The following LIMS1 variants were observed in gnomAD, a reference collection of about 807,000 sequenced individuals.
LIMS1 encodes the protein LIM and senescent cell antigen-like-containing domain protein 1.
Under a neutral mutation model 44.1 loss-of-function variants are expected in LIMS1, and 18 were observed. That is an observed-to-expected ratio of 0.41 (90% CI 0.28 to 0.61). The LOEUF (loss-of-function observed/expected upper bound fraction) is 0.61. LIMS1 is among the 20% of genes least tolerant of loss of function. The pLI, the probability that LIMS1 is intolerant of heterozygous loss-of-function variation, is 0.32. For synonymous variants in LIMS1, 93 were observed against 149.1 expected, an observed-to-expected ratio of 0.62 and a Z score of 2.74; for missense variants, 201 against 422.0, an observed-to-expected ratio of 0.48 and a Z score of 4.59.
rs377160058 is a variant in LIMS1, at chr2:108,574,062, A to T, written c.32+39468A>T. 2.5e-4 allele frequency among the ~76,000 whole-genome samples: 38 copies of T among 151,808 alleles called. No individual in the cohort carries two copies. In the East Asian group the frequency reaches 7.2e-3, roughly 29 times the overall value. Reference sequence around the variant, plus strand: ...CCTCCCCCCCACCAAAAAAAAGTGGAAATCAGTCTGGGAATGGGAAGGTGG... The same window carrying T: ...CCTCCCCCCCACCAAAAAAAAGTGGTAATCAGTCTGGGAATGGGAAGGTGG... On this transcript the variant is annotated intron_variant, in intron 1 of 9. Coordinates refer to ENST00000544547, the Ensembl canonical transcript of LIMS1.
intron 1 of LIMS1, among the ~76,000 whole-genome samples, chr2:108,574,493 C>T (rs181680561): frequency 9.4e-4 from 143 of 152,232 alleles, no homozygotes; most frequent in African/African-American, 3.4e-3. Context: ...ACCTTTCACT[C>T]GAGGTCATGG....
chr2:108,571,216 A>G (rs1685468290), intron 1 of LIMS1, among the ~76,000 whole-genome samples: 1 of 152,198 alleles, frequency 6.6e-6, no homozygotes, highest in South Asian at 2.1e-4. Flanking sequence ...AGTAGTAATC[A>G]TAAGATATAA....
chr2:108,652,584 G>A (rs1381550372), intron 1 of LIMS1, among the ~76,000 whole-genome samples: 2 of 152,240 alleles, frequency 1.3e-5, no homozygotes, highest in Non-Finnish European at 2.9e-5. Context: ...GAAGTCTGTG[G>A]TGATGGAATA....
chr2:108,568,079 A>T (rs78382830), intron 1 of LIMS1, among the ~76,000 whole-genome samples: 2,578 of 152,242 alleles, frequency 0.017, 37 homozygotes, highest in Non-Finnish European at 0.025. Context: ...TTAATATTAG[A>T]AGTGTTTTGG....
chr2:108,665,632 T>C (rs1033979170), intron 2 of LIMS1, among the ~76,000 whole-genome samples: 7 of 152,150 alleles, frequency 4.6e-5, no homozygotes, highest in African/African-American at 1.4e-4. Context: ...ATTCAAGCGA[T>C]TCTCCTGCCT....
chr2:108,638,620 G>T (rs906893394), intron 1 of LIMS1, among the ~76,000 whole-genome samples: 2 of 152,056 alleles, frequency 1.3e-5, no homozygotes, highest in African/African-American at 4.8e-5. Context: ...GGTAGCACAT[G>T]CCTGTAATTC....
chr2:108,672,196 T>C, intron 3 of LIMS1, 129 bp from the exon 4 acceptor site: 1 of 850,366 alleles, frequency 1.2e-6, no homozygotes, highest in Non-Finnish European at 1.7e-6. Flanking sequence ...AAAGTTCCTC[T>C]ATTGAGAAAG....
intron 1 of LIMS1, among the ~76,000 whole-genome samples, chr2:108,545,102 C>T (rs1229891369): frequency 6.6e-6 from 1 of 152,136 alleles, no homozygotes; most frequent in Admixed American, 6.5e-5. Context: ...GTCTTTTAGT[C>T]TCTTTTAACA....
chr2:108,682,569 AT>A (rs1455336347), intron 9 of LIMS1, among the ~76,000 whole-genome samples: 1 of 152,070 alleles, frequency 6.6e-6, no homozygotes, highest in African/African-American at 2.4e-5. Flanking sequence ...AACAGGAATA[AT>A]TTTTTTCTTT....
intron 1 of LIMS1, among the ~76,000 whole-genome samples, chr2:108,573,291 GTTTTC>G (rs934663636): frequency 6.7e-5 from 10 of 148,488 alleles, no homozygotes; most frequent in Non-Finnish European, 8.9e-5. Context: ...TGCTTCTCCC[GTTTTC>G]TTTTCTTTTC....
At chr2:108,600,468 C>T (rs555842082) in intron 1 of LIMS1, among the ~76,000 whole-genome samples, 4 of 152,276 alleles carry the variant, frequency 2.6e-5, no homozygotes, top group African/African-American at 9.6e-5. Context: ...GAGAGTTTGC[C>T]AGACATTTCC....
rs558038659 is a variant in LIMS1 at position 108,580,455 on chromosome 2, G to A, written c.32+45861G>A. ...CTGTTACCTGAAACAGAGAGTGGAC[G>A]ACATGGGTACCCATGTGGATGACAT... On this transcript the variant is annotated intron_variant, in intron 1 of 9. Coordinates refer to ENST00000544547, the Ensembl canonical transcript of LIMS1. 7.9e-5 allele frequency among the ~76,000 whole-genome samples: 12 copies of A among 152,198 alleles called. No individual in the cohort carries two copies. The South Asian group carries it at 2.1e-3, about 26-fold the overall frequency.
chr2:108,552,613 T>TG (rs57721236), intron 1 of LIMS1, among the ~76,000 whole-genome samples: 6 of 148,676 alleles, frequency 4.0e-5, no homozygotes, highest in East Asian at 3.9e-4. Context: ...TGTGTGTGTG[T>TG]TTTTGGAGAC....
intron 9 of LIMS1, among the ~76,000 whole-genome samples, chr2:108,682,392 C>G (rs1275291483): frequency 2.0e-5 from 3 of 152,016 alleles, no homozygotes; most frequent in Non-Finnish European, 4.4e-5. Flanking sequence ...CCCAGATACT[C>G]GCGAGGCTGA....
At chr2:108,594,221 C>T (rs1686548718) in intron 1 of LIMS1, among the ~76,000 whole-genome samples, 1 of 152,150 alleles carries the variant, frequency 6.6e-6, no homozygotes, top group Non-Finnish European at 1.5e-5. Context: ...TCACCACAGA[C>T]CCCTGCCCTC....
At chr2:108,617,072 G>A (rs1687969713) in intron 1 of LIMS1, among the ~76,000 whole-genome samples, 2 of 152,164 alleles carry the variant, frequency 1.3e-5, no homozygotes, top group African/African-American at 4.8e-5. Flanking sequence ...GAAATGTACA[G>A]CTGCTCAACC....
intron 1 of LIMS1, among the ~76,000 whole-genome samples, chr2:108,638,007 C>A (rs563066618): frequency 6.6e-6 from 1 of 151,980 alleles, no homozygotes; most frequent in African/African-American, 2.4e-5. Context: ...TGCATGCCAC[C>A]GTGCCCGGCT....
At chr2:108,633,591 G>T (rs1689049626) in intron 1 of LIMS1, among the ~76,000 whole-genome samples, 1 of 152,108 alleles carries the variant, frequency 6.6e-6, no homozygotes, top group Non-Finnish European at 1.5e-5. Flanking sequence ...AGTTAGTTTT[G>T]ATTACATTTT....
Position 108,604,898 on chromosome 2 carries a change from A to G in LIMS1, c.33-54707A>G, listed in dbSNP as rs558995187. Among the ~76,000 whole-genome samples, 3 of 152,334 alleles carry G rather than the reference A, an allele frequency of 2.0e-5. No individual in the cohort carries two copies. In the South Asian group the frequency reaches 6.2e-4, roughly 32 times the overall value. ...GGAAGGATTGATGGGTCAGGGATTA[A>G]TGCCACATAGTTCCTTTTTCACTGG... On this transcript the variant is annotated intron_variant, in intron 1 of 9. Transcript: ENST00000544547.
Sources: gnomAD v4.1 joint callset for allele counts (sites outside exome capture counted in the v4.1 genomes callset) on GRCh38, gnomAD v4.1.1 for gene constraint, MANE v1.5 for transcripts, NCBI Gene and HGNC (gene_info 2026-07-23, HGNC 2026-07-21) for gene names.